ACOXL: variants seen among roughly 807,000 people sequenced by gnomAD.
ACOXL encodes acyl-CoA oxidase like, also known as acyl-coenzyme A oxidase-like protein.
ACOXL carries 70 observed loss-of-function variants against 71.9 expected under a neutral mutation model. That is an observed-to-expected ratio of 0.97 (90% CI 0.80 to 1.19). ACOXL has a LOEUF of 1.19. Ranked by LOEUF, ACOXL falls within the 50% of genes most tolerant of loss-of-function variation. The pLI is 0.00. For missense variants in ACOXL, 703 were observed against 736.3 expected (o/e 0.95, Z 0.52); for synonymous variants, 253 against 281.6 (o/e 0.90, Z 1.02).
chr2:110,736,643 G>A (rs1445339273), intron 1 of ACOXL, among the ~76,000 whole-genome samples: 24 of 146,848 alleles, frequency 1.6e-4, no homozygotes, highest in African/African-American at 5.0e-4. Context: ...TTTTTGAGAC[G>A]GAGTCTCGCT....
intron 14 of ACOXL, among the ~76,000 whole-genome samples, chr2:111,009,306 G>A (rs1268049346): frequency 6.6e-6 from 1 of 152,080 alleles, no homozygotes; most frequent in African/African-American, 2.4e-5. Flanking sequence ...TTGAGGTCAA[G>A]AGTTCGAGAC....
At chr2:111,096,318 C>T (rs1261835846) in intron 17 of ACOXL, among the ~76,000 whole-genome samples, 6 of 151,726 alleles carry the variant, frequency 4.0e-5, no homozygotes, top group Non-Finnish European at 5.9e-5. Flanking sequence ...CTCACTTCAA[C>T]CTCTGCCTCC....
chr2:110,931,643 A>G lies in ACOXL; in HGVS notation c.906-1846A>G, dbSNP rs2060483315. ...GACTGAGGTATGTTTACTTCAGTTG[A>G]GCCTCAGTTTTCCCAACAACTCTAT... On this transcript the variant is annotated intron_variant, in intron 11 of 17. Transcript: ENST00000439055. Among the ~76,000 whole-genome samples the G allele has an allele frequency of 1.3e-5, 2 of 152,202 alleles. 1 individual carries two copies. Among genetic ancestry groups the G allele is most frequent in the South Asian group, 4.1e-4 (2 of 4,828 alleles).
intron 16 of ACOXL, among the ~76,000 whole-genome samples, chr2:111,092,590 A>C (rs2068587350): frequency 6.6e-6 from 1 of 152,166 alleles, no homozygotes; most frequent in South Asian, 2.1e-4. Flanking sequence ...GTTGGTTGTG[A>C]GTTAAAATTT....
chr2:110,883,444 C>T (rs1696917507), intron 10 of ACOXL, among the ~76,000 whole-genome samples: 1 of 152,036 alleles, frequency 6.6e-6, no homozygotes, highest in African/African-American at 2.4e-5. Context: ...GTCCTAAACT[C>T]AGGGCACACA....
At chr2:110,947,195 C>T (rs1205759274) in intron 12 of ACOXL, among the ~76,000 whole-genome samples, 2 of 152,228 alleles carry the variant, frequency 1.3e-5, no homozygotes, top group African/African-American at 4.8e-5. Flanking sequence ...TTCCCACTTT[C>T]TTGCTTTAAG....
chr2:110,908,744 C>T (rs756037061), intron 10 of ACOXL, 45 bp from the exon 11 acceptor site: 42 of 1,490,352 alleles, frequency 2.8e-5, no homozygotes, highest in Middle Eastern at 1.7e-4. Flanking sequence ...AGTTACCTCC[C>T]GCTCCTGGAT....
chr2:110,810,860 G>A (rs1278179101), intron 9 of ACOXL, among the ~76,000 whole-genome samples: 5 of 152,200 alleles, frequency 3.3e-5, no homozygotes, highest in Admixed American at 6.5e-5. Context: ...CAGCATGGCT[G>A]GGGAGGCCTT....
chr2:110,736,841 C>T (rs57318054), intron 1 of ACOXL, among the ~76,000 whole-genome samples: 6,386 of 152,154 alleles, frequency 0.042, 193 homozygotes, highest in African/African-American at 0.07. Context: ...AGGATGGTCT[C>T]GATCTCCTGA....
At chr2:110,991,425 G>T (rs2063167962) in intron 13 of ACOXL, among the ~76,000 whole-genome samples, 1 of 152,072 alleles carries the variant, frequency 6.6e-6, no homozygotes, top group Admixed American at 6.6e-5. Flanking sequence ...TTATGCTCAT[G>T]AATGTATTGT....
chr2:110,752,104 A>G (rs1331414573), intron 1 of ACOXL, among the ~76,000 whole-genome samples: 1 of 146,894 alleles, frequency 6.8e-6, no homozygotes, highest in East Asian at 2.0e-4. Context: ...GGCTCACTTC[A>G]GCCTCTGCCT....
At chr2:110,838,395 G>T (rs763424823) in intron 9 of ACOXL, among the ~76,000 whole-genome samples, 1 of 152,120 alleles carries the variant, frequency 6.6e-6, no homozygotes, top group Non-Finnish European at 1.5e-5. Flanking sequence ...GGTGAGACTT[G>T]CTTAAAGCGT....
intron 10 of ACOXL, among the ~76,000 whole-genome samples, chr2:110,901,669 C>CACAT (rs1452624353): frequency 6.6e-6 from 1 of 151,264 alleles, no homozygotes; most frequent in Non-Finnish European, 1.5e-5. Context: ...CACACACACA[C>CACAT]ACACATATAC....
chr2:110,971,946 C>T (rs1285427106), intron 12 of ACOXL, among the ~76,000 whole-genome samples: 2 of 152,188 alleles, frequency 1.3e-5, no homozygotes, highest in African/African-American at 2.4e-5. Context: ...TGTGATTCAA[C>T]AGCACTTGAC....
At chr2:110,846,437 T>G (rs1691842699) in intron 10 of ACOXL, among the ~76,000 whole-genome samples, 1 of 152,152 alleles carries the variant, frequency 6.6e-6, no homozygotes, top group Non-Finnish European at 1.5e-5. Flanking sequence ...CCTCTCAGGC[T>G]GCTGCAGACA....
intron 8 of ACOXL, 77 bp from the exon 9 acceptor site, chr2:110,805,186 C>T: frequency 6.3e-7 from 1 of 1,576,712 alleles, no homozygotes; most frequent in East Asian, 2.2e-5. Context: ...TGTGTATGCA[C>T]ATGGGAGCCA....
At chr2:110,845,788 T>C (rs542233674) in intron 10 of ACOXL, among the ~76,000 whole-genome samples, 1 of 152,358 alleles carries the variant, frequency 6.6e-6, no homozygotes, top group Non-Finnish European at 1.5e-5. Flanking sequence ...TGGGATAATA[T>C]TCCATAGCAT....
chr2:111,041,732 G>A (rs1203927999), intron 15 of ACOXL, among the ~76,000 whole-genome samples: 1 of 152,210 alleles, frequency 6.6e-6, no homozygotes, highest in Non-Finnish European at 1.5e-5. Flanking sequence ...GCAGCCCCCT[G>A]CACACAGGGA....
chr2:111,097,395 G>A (rs1483775450), intron 17 of ACOXL, among the ~76,000 whole-genome samples: 2 of 152,162 alleles, frequency 1.3e-5, no homozygotes, highest in Non-Finnish European at 1.5e-5. Context: ...AACACAGCTA[G>A]CAAAAACTCC....
Sources: gnomAD v4.1 joint callset for allele counts (sites outside exome capture counted in the v4.1 genomes callset) on GRCh38, gnomAD v4.1.1 for gene constraint, MANE v1.5 for transcripts, NCBI Gene and HGNC (gene_info 2026-07-23, HGNC 2026-07-21) for gene names.